Variants in TRPC5 observed in about 807,000 individuals in gnomAD.
TRPC5 encodes transient receptor potential cation channel subfamily C member 5.
Under a neutral mutation model 56.5 loss-of-function variants are expected in TRPC5, and 9 were observed. The ratio of observed to expected loss-of-function variants is 0.16; its 90% CI spans 0.10 to 0.28. TRPC5 has a LOEUF of 0.28. Ranked by LOEUF, TRPC5 falls within the 10% of genes least tolerant of loss-of-function variation. TRPC5 has a pLI of 1.00. For missense variants in TRPC5, 469 were observed against 748.9 expected, an observed-to-expected ratio of 0.63 and a Z score of 4.36; for synonymous variants, 282 against 278.5, an observed-to-expected ratio of 1.01 and a Z score of -0.13.
chrX:111,884,867 C>T (rs1451945296), intron 3 of TRPC5, among the ~76,000 whole-genome samples: 3 of 112,363 alleles, frequency 2.7e-5, no homozygotes, highest in Non-Finnish European at 5.6e-5. Context: ...TAACCTGGAC[C>T]CAGTTAAGGC....
At chrX:112,004,470 C>T (rs1289804184) in intron 1 of TRPC5, among the ~76,000 whole-genome samples, 1 of 112,161 alleles carries the variant, frequency 8.9e-6, no homozygotes, top group Non-Finnish European at 1.9e-5. Context: ...GTCATTTCTT[C>T]CTGGAACCAC....
intron 2 of TRPC5, among the ~76,000 whole-genome samples, chrX:111,926,960 G>A (rs780572295): frequency 1.8e-5 from 2 of 112,404 alleles, no homozygotes; most frequent in Non-Finnish European, 3.8e-5. Context: ...CACTGCGTCA[G>A]TATAATGTAA....
chrX:111,799,414 G>A (rs1480726372), intron 7 of TRPC5, among the ~76,000 whole-genome samples: 1 of 111,290 alleles, frequency 9.0e-6, no homozygotes, highest in Non-Finnish European at 1.9e-5. Context: ...TCAGAATGCT[G>A]TGAGTTCAAC....
chrX:111,840,119 G>A (rs1210117795), intron 6 of TRPC5, among the ~76,000 whole-genome samples: 3 of 112,480 alleles, frequency 2.7e-5, no homozygotes, highest in Admixed American at 9.4e-5. Context: ...GCAGTGAGCC[G>A]AGATCGTGCC....
chrX:111,837,963 G>A (rs1257692589), intron 6 of TRPC5, among the ~76,000 whole-genome samples: 2 of 106,744 alleles, frequency 1.9e-5, no homozygotes, highest in Admixed American at 1.0e-4. Context: ...TCTCAGCTAC[G>A]TGGGAGGCTG....
At chrX:112,042,727 A>T (rs1714427927) in intron 1 of TRPC5, among the ~76,000 whole-genome samples, 1 of 111,180 alleles carries the variant, frequency 9.0e-6, no homozygotes, top group Admixed American at 9.6e-5. Context: ...TCCAGCCTCT[A>T]TATAGGGGCA....
At chrX:111,985,990 C>T (rs1357187078) in intron 1 of TRPC5, among the ~76,000 whole-genome samples, 2 of 111,867 alleles carry the variant, frequency 1.8e-5, no homozygotes, top group African/African-American at 6.5e-5. Flanking sequence ...CCACAGAATT[C>T]TTCAAGAATG....
chrX:111,772,862 A>G lies in TRPC5; in HGVS notation c.*3451T>C, dbSNP rs1204479313. The stretch of plus-strand genomic sequence containing the variant: ...TCAAAACACCACACGAGATTCACCC[A>G]TGATGTAACATGAATGCCAATGGTC... On this transcript the variant is annotated 3_prime_UTR_variant, in exon 11 of 11. Coordinates refer to ENST00000262839, the MANE Select transcript of TRPC5 (RefSeq NM_012471.3). 9.0e-6 allele frequency among the ~76,000 whole-genome samples: 1 copy of G among 111,418 alleles called. No homozygotes were observed. The highest frequency in any genetic ancestry group is 1.9e-5 in the Non-Finnish European group (1 of 53,147).
At chrX:112,011,594 G>A (rs1009308698) in intron 1 of TRPC5, among the ~76,000 whole-genome samples, 1 of 111,807 alleles carries the variant, frequency 8.9e-6, no homozygotes. Context: ...GGGGGCTTTG[G>A]CATGCTAGGG....
chrX:111,906,887 T>G (rs1307828425), intron 3 of TRPC5, among the ~76,000 whole-genome samples: 1 of 111,803 alleles, frequency 8.9e-6, no homozygotes. Flanking sequence ...CTCTGTCCTA[T>G]TCCTCATTAC....
At chrX:111,965,526 T>G (rs1927536610) in intron 1 of TRPC5, among the ~76,000 whole-genome samples, 1 of 111,927 alleles carries the variant, frequency 8.9e-6, no homozygotes, top group Non-Finnish European at 1.9e-5. Flanking sequence ...TATACATTTT[T>G]TTCAGCACCA....
At chrX:111,865,750 A>C (rs1298555362) in intron 3 of TRPC5, among the ~76,000 whole-genome samples, 1 of 112,216 alleles carries the variant, frequency 8.9e-6, no homozygotes, top group Non-Finnish European at 1.9e-5. Context: ...ATATTTGATG[A>C]ATGAGTGATT....
At chrX:111,848,745 C>T (rs1316722252) in intron 5 of TRPC5, among the ~76,000 whole-genome samples, 1 of 112,418 alleles carries the variant, frequency 8.9e-6, no homozygotes, top group Non-Finnish European at 1.9e-5. Flanking sequence ...TGTGCTTCTG[C>T]TTCGGATAGA....
chrX:111,832,299 G>A (rs1163581148), intron 7 of TRPC5, among the ~76,000 whole-genome samples: 1 of 111,808 alleles, frequency 8.9e-6, no homozygotes. Context: ...ACCCTTCAAG[G>A]GATTGGTATT....
intron 1 of TRPC5, among the ~76,000 whole-genome samples, chrX:112,000,937 A>G (rs1284427841): frequency 8.9e-6 from 1 of 112,107 alleles, no homozygotes; most frequent in Non-Finnish European, 1.9e-5. Flanking sequence ...CCACTTAACC[A>G]TTCTAGTGGA....
chrX:111,965,883 A>G (rs1461519434), intron 1 of TRPC5, among the ~76,000 whole-genome samples: 1 of 111,960 alleles, frequency 8.9e-6, no homozygotes, highest in Admixed American at 9.5e-5. Context: ...GAAAGATCCA[A>G]AATTGACACC....
intron 3 of TRPC5, among the ~76,000 whole-genome samples, chrX:111,893,674 TCATATATTTTCAAGAAGGGGC>T (rs1391953938): frequency 9.0e-6 from 1 of 111,470 alleles, no homozygotes; most frequent in Non-Finnish European, 1.9e-5. Flanking sequence ...TTTGAATTTT[TCATATATTTTCAAGAAGGGGC>T]CATGTTTAGC....
At chrX:112,005,964 G>A (rs778992571) in intron 1 of TRPC5, among the ~76,000 whole-genome samples, 2 of 111,388 alleles carry the variant, frequency 1.8e-5, no homozygotes, top group Admixed American at 1.9e-4. Context: ...TCTTGGCAGG[G>A]GGAAGGTGGC....
chrX:111,776,271 C>T lies in TRPC5; in HGVS notation c.*42G>A. The T allele has an allele frequency of 8.2e-6, 9 of 1,093,324 alleles. No individual in the cohort carries two copies. The highest frequency in any genetic ancestry group is 1.1e-5 in the Non-Finnish European group (9 of 831,146). 90.1% of individuals were successfully genotyped at this position (1,093,324 alleles called of 1,213,427 possible). On this transcript the variant is annotated 3_prime_UTR_variant, in exon 11 of 11. Coordinates refer to ENST00000262839, the MANE Select transcript of TRPC5 (RefSeq NM_012471.3). ...GTCACCTCTGAGAGCAAGGAAATTA[C>T]AGATTTCTGTTGAGTTCCAGAACAG...
Sources: gnomAD v4.1 joint callset for allele counts (sites outside exome capture counted in the v4.1 genomes callset) on GRCh38, gnomAD v4.1.1 for gene constraint, MANE v1.5 for transcripts, NCBI Gene and HGNC (gene_info 2026-07-23, HGNC 2026-07-21) for gene names.